Variants in SRSF11 observed in about 807,000 individuals in gnomAD.
SRSF11 encodes serine and arginine rich splicing factor 11.
A neutral mutation model predicts 56.0 loss-of-function variants in SRSF11; 9 were observed. That is an observed-to-expected ratio of 0.16 (90% CI 0.10 to 0.28). The LOEUF (loss-of-function observed/expected upper bound fraction) is 0.28. SRSF11 is among the 10% of genes least tolerant of loss of function. The pLI is 1.00. For missense variants in SRSF11, 421 were observed against 600.7 expected (o/e 0.70, Z 3.13); for synonymous variants, 222 against 215.3 (o/e 1.03, Z -0.27).
chr1:70,239,425 T>C lies in SRSF11; in HGVS notation c.719-14T>C. 1 of 1,583,128 alleles carries C rather than the reference T, an allele frequency of 6.3e-7. No homozygotes were observed. The highest frequency in any genetic ancestry group is 8.6e-7 in the Non-Finnish European group (1 of 1,164,780). ...ATAACTTCTAAATGCAGGTTCCTTTTCTTTTAAATATAGATAAGAAAGAAG... is the reference window on the plus strand; with the variant it reads ...ATAACTTCTAAATGCAGGTTCCTTTCCTTTTAAATATAGATAAGAAAGAAG... On this transcript the variant is annotated splice_polypyrimidine_tract_variant and intron_variant, in intron 6 of 11. Transcript: ENST00000370949.
upstream of SRSF11, among the ~76,000 whole-genome samples, chr1:70,221,201 A>G (rs2100580462): frequency 6.6e-6 from 1 of 152,156 alleles, no homozygotes; most frequent in South Asian, 2.1e-4. Flanking sequence ...GCTCTTCCAA[A>G]AAAAAAAGAG....
chr1:70,237,317 T>G, intron 5 of SRSF11, 108 bp from the exon 6 acceptor site: 1 of 1,413,950 alleles, frequency 7.1e-7, no homozygotes, highest in South Asian at 1.3e-5. Flanking sequence ...CCCTCCCTTT[T>G]TTTGAAGGAA....
At chr1:70,234,864 A>C in intron 4 of SRSF11, 76 bp downstream of exon 4, 1 of 1,239,892 alleles carries the variant, frequency 8.1e-7, no homozygotes, top group South Asian at 1.5e-5. Flanking sequence ...TTTGCATTTC[A>C]AGAGCAGAAG....
rs1418597015 is a variant in SRSF11, at chr1:70,251,931, G to A, written c.*1126G>A. On this transcript the variant is annotated 3_prime_UTR_variant, in exon 12 of 12. Transcript: ENST00000370949. Reference sequence around the variant, plus strand: ...GCAGTAGAAACAAAAGTAGGCTACAGTCTGTGCCATGTTGATGTACAGTTT... The same window carrying A: ...GCAGTAGAAACAAAAGTAGGCTACAATCTGTGCCATGTTGATGTACAGTTT... 6.6e-6 allele frequency: 1 copy of A among 152,616 alleles called. No individual in the cohort carries two copies. The highest frequency in any genetic ancestry group is 1.5e-5 in the Non-Finnish European group (1 of 68,000). 9.5% of individuals were successfully genotyped at this position (152,616 alleles called of 1,614,324 possible). A position where few individuals can be genotyped will look rare whatever the true frequency, so the allele number is the denominator to read the frequency against.
rs1678105652 is a variant in SRSF11, at chr1:70,252,582, C to T, written c.*1777C>T. 1 of 3,296 alleles carries T rather than the reference C, an allele frequency of 3.0e-4. No individual in the cohort carries two copies. Among genetic ancestry groups the T allele is most frequent in the Non-Finnish European group, 6.1e-4 (1 of 1,644 alleles). The allele number at this position is 3,296 out of a possible 1,614,324, so 0.2% of individuals were successfully genotyped here. ...GTAAGTAACTTTTTAAAGATTTTAT[C>T]AAAAAGAATTGTCTATAGTGAGTAA... On this transcript the variant is annotated 3_prime_UTR_variant, in exon 12 of 12. Coordinates refer to ENST00000370949, the MANE Select transcript of SRSF11 (RefSeq NM_001350605.2).
intron 1 of SRSF11, among the ~76,000 whole-genome samples, chr1:70,222,397 A>G (rs1327245773): frequency 1.3e-5 from 2 of 152,224 alleles, no homozygotes; most frequent in African/African-American, 4.8e-5. Context: ...AAAACGGGTT[A>G]TAAACCAGAG....
upstream of SRSF11, chr1:70,221,358 A>G (rs1571629313): frequency 4.4e-6 from 2 of 456,124 alleles, no homozygotes; most frequent in Non-Finnish European, 7.7e-6. Context: ...GCCGCAAAGC[A>G]TTGTGGGAGC....
In SRSF11 at chr1:70,227,989, T is replaced by G. The variant is rs548794276; in HGVS notation, c.204-433T>G. Among the ~76,000 whole-genome samples the G allele has an allele frequency of 2.0e-5, 3 of 152,346 alleles. No homozygotes were observed. In the East Asian group the frequency reaches 5.8e-4, roughly 29 times the overall value. The stretch of plus-strand genomic sequence containing the variant: ...AAACTCATTGATTATTGAGTACATG[T>G]TCGTTCTCATGATATTCATTTGTCC... On this transcript the variant is annotated intron_variant, in intron 1 of 11. Coordinates refer to ENST00000370949, the MANE Select transcript of SRSF11 (RefSeq NM_001350605.2).
chr1:70,226,986 C>G (rs1043958606), intron 1 of SRSF11, among the ~76,000 whole-genome samples: 2 of 152,148 alleles, frequency 1.3e-5, no homozygotes, highest in African/African-American at 4.8e-5. Context: ...GCTTAACTTG[C>G]TTGTGGATAT....
intron 7 of SRSF11, among the ~76,000 whole-genome samples, chr1:70,242,160 C>CGGAG (rs1675584039): frequency 7.3e-6 from 1 of 137,778 alleles, no homozygotes; most frequent in Non-Finnish European, 1.6e-5. Context: ...AGCGAGACTC[C>CGGAG]GTCTTAAAAA....
intron 2 of SRSF11, chr1:70,231,441 G>T (rs1571754937): frequency 1.9e-6 from 2 of 1,044,268 alleles, no homozygotes; most frequent in East Asian, 8.2e-5. Flanking sequence ...TTTAAAAACA[G>T]ATATATATGT....
intron 8 of SRSF11, chr1:70,246,593 T>C (rs1676821089): frequency 5.7e-6 from 2 of 349,630 alleles, no homozygotes; most frequent in South Asian, 1.5e-4. Flanking sequence ...CATAGTCTAC[T>C]TTAGTCTACT....
intron 1 of SRSF11, among the ~76,000 whole-genome samples, chr1:70,224,339 A>G (rs2210545): frequency 0.1 from 15,193 of 151,996 alleles, 904 homozygotes; most frequent in East Asian, 0.3. Context: ...AACTACTTTT[A>G]TTTTTCCGAT....
chr1:70,243,243 C>G (rs982339104), intron 7 of SRSF11, among the ~76,000 whole-genome samples: 16 of 145,196 alleles, frequency 1.1e-4, no homozygotes, highest in Middle Eastern at 3.7e-3. Flanking sequence ...ATACTCAAGT[C>G]CTCTGGAATC....
At chr1:70,207,347 C>T (rs1352510365) in intron 1 of SRSF11, among the ~76,000 whole-genome samples, 1 of 152,146 alleles carries the variant, frequency 6.6e-6, no homozygotes, top group Non-Finnish European at 1.5e-5. Flanking sequence ...TTATTTAACA[C>T]AGTGACTAAT....
upstream of SRSF11, chr1:70,221,287 C>CGGGCTGCAGGCGACGGCTGCTG: frequency 3.4e-6 from 1 of 290,790 alleles, no homozygotes; most frequent in Non-Finnish European, 6.4e-6. Flanking sequence ...TCTCATTTCT[C>CGGGCTGCAGGCGACGGCTGCTG]GGGCTGCAGG....
chr1:70,234,015 T>C (rs1195704452), intron 3 of SRSF11, among the ~76,000 whole-genome samples: 1 of 152,210 alleles, frequency 6.6e-6, no homozygotes, highest in Non-Finnish European at 1.5e-5. Flanking sequence ...CCATCTATGC[T>C]GAAACTTAGA....
Position 70,253,033 on chromosome 1 carries a change from AG to A in SRSF11, c.*2229del, listed in dbSNP as rs1678148066. ...GATAGTAAATTGATTTAAAAATAAAAGTGGTTTTTGTTAGAAAAATGTTTTG... is the reference window on the plus strand; with the variant it reads ...GATAGTAAATTGATTTAAAAATAAAATGGTTTTTGTTAGAAAAATGTTTTG... On this transcript the variant is annotated 3_prime_UTR_variant, in exon 12 of 12. Transcript: ENST00000370949. 1 of 152,232 alleles carries A rather than the reference AG, an allele frequency of 6.6e-6. No individual in the cohort carries two copies. Among genetic ancestry groups the A allele is most frequent in the South Asian group, 2.1e-4 (1 of 4,834 alleles). 9.4% of individuals were successfully genotyped at this position (152,232 alleles called of 1,614,324 possible).
intron 1 of SRSF11, among the ~76,000 whole-genome samples, chr1:70,213,137 C>T (rs1172940978): frequency 1.3e-5 from 2 of 152,110 alleles, no homozygotes; most frequent in African/African-American, 4.8e-5. Context: ...TTGTTGGGTG[C>T]CTACGTGTTG....
Sources: allele counts gnomAD v4.1 joint callset (sites outside exome capture counted in the v4.1 genomes callset), GRCh38; gene constraint gnomAD v4.1.1; transcripts MANE v1.5; gene names NCBI Gene and HGNC (gene_info 2026-07-23, HGNC 2026-07-21).